The following SKAP1 variants were observed in gnomAD, a reference collection of about 807,000 sequenced individuals.
SKAP1 encodes src kinase-associated phosphoprotein 1.
Under a neutral mutation model 58.5 loss-of-function variants are expected in SKAP1, and 44 were observed. The observed-to-expected ratio is 0.75, with a 90% CI of 0.59 to 0.97. SKAP1 has a LOEUF of 0.97. SKAP1 is among the 50% of genes least tolerant of loss of function. The probability of loss-of-function intolerance (pLI) is 0.00; values close to 1 mark genes in which losing one functional copy is unlikely to be tolerated. For synonymous variants in SKAP1, 127 were observed against 149.7 expected (o/e 0.85, Z 1.11); for missense variants, 390 against 435.2 (o/e 0.90, Z 0.92).
intron 3 of SKAP1, among the ~76,000 whole-genome samples, chr17:48,359,018 G>A (rs964504001): frequency 6.6e-6 from 1 of 152,004 alleles, no homozygotes; most frequent in Admixed American, 6.5e-5. Flanking sequence ...ACTATTCTAT[G>A]TACTTTATAT....
intron 4 of SKAP1, among the ~76,000 whole-genome samples, chr17:48,250,440 G>A (rs913655420): frequency 4.6e-5 from 7 of 151,014 alleles, no homozygotes; most frequent in East Asian, 2.0e-4. Context: ...GCACCACCGC[G>A]CCCAGCTAAT....
intron 4 of SKAP1, among the ~76,000 whole-genome samples, chr17:48,262,130 T>C (rs1302027622): frequency 6.6e-6 from 1 of 152,212 alleles, no homozygotes; most frequent in Non-Finnish European, 1.5e-5. Context: ...ATGGAGGGCC[T>C]ACCTGAGGCG....
chr17:48,329,645 T>G (rs2144259590), intron 4 of SKAP1, among the ~76,000 whole-genome samples: 1 of 152,246 alleles, frequency 6.6e-6, no homozygotes, highest in South Asian at 2.1e-4. Context: ...AGGCGGAGGT[T>G]GCAGTGAGCC....
chr17:48,345,990 C>A lies in SKAP1; in HGVS notation c.195G>T (p.Gln65His), dbSNP rs376131521. ...DFQPQGGDIG[Q>H]DSSDDNHSGT... ...CGCTGTGATTATCATCAGAGCTGTC[C>A]TGTCCAATGTCTCCCCCTGAGGGAC... Residue 65 changes from glutamine to histidine, a missense_variant, in exon 4 of 13, where the codon CAG becomes CAT. Gln to His is a conservative substitution (Grantham distance 24). Transcript: ENST00000336915. 2.5e-5 allele frequency: 40 copies of A among 1,609,086 alleles called. 1 individual carries two copies. The African/African-American group carries it at 4.8e-4, about 19-fold the overall frequency.
At chr17:48,312,773 A>T (rs2066238787) in intron 4 of SKAP1, among the ~76,000 whole-genome samples, 1 of 152,180 alleles carries the variant, frequency 6.6e-6, no homozygotes, top group Non-Finnish European at 1.5e-5. Context: ...CTGTCTCCTC[A>T]TTGCCTCCAA....
intron 2 of SKAP1, among the ~76,000 whole-genome samples, chr17:48,383,978 A>G (rs1007645373): frequency 6.6e-6 from 1 of 152,016 alleles, no homozygotes; most frequent in Non-Finnish European, 1.5e-5. Context: ...TACCTGCCTC[A>G]GCCTCTCAAA....
At chr17:48,386,968 C>A (rs1047045354) in intron 2 of SKAP1, among the ~76,000 whole-genome samples, 2 of 152,132 alleles carry the variant, frequency 1.3e-5, no homozygotes, top group African/African-American at 4.8e-5. Context: ...CTGGCTGGAA[C>A]CTGAAAACTC....
chr17:48,136,292 C>G (rs1194823072), intron 12 of SKAP1, among the ~76,000 whole-genome samples: 1 of 151,830 alleles, frequency 6.6e-6, no homozygotes, highest in Non-Finnish European at 1.5e-5. Context: ...CTGCCTCAGC[C>G]TCCTGAGTAG....
At chr17:48,413,523 A>AAAAAAAAAAAAAAAAAAAATATATATAT in intron 1 of SKAP1, among the ~76,000 whole-genome samples, 1 of 105,454 alleles carries the variant, frequency 9.5e-6, no homozygotes, top group Non-Finnish European at 1.9e-5. Context: ...TCAAAAAAAA[A>AAAAAAAAAAAAAAAAAAAATATATATAT]ATATATATAT....
chr17:48,183,409 G>C (rs1264439971), intron 7 of SKAP1, among the ~76,000 whole-genome samples: 1 of 152,214 alleles, frequency 6.6e-6, no homozygotes, highest in Non-Finnish European at 1.5e-5. Flanking sequence ...AAATAGGCCA[G>C]TCAAGCATCA....
chr17:48,147,195 C>CT (rs1172933838), intron 11 of SKAP1, among the ~76,000 whole-genome samples: 1 of 152,186 alleles, frequency 6.6e-6, no homozygotes, highest in Admixed American at 6.5e-5. Flanking sequence ...AGAGAACAGT[C>CT]TATCAGCCCC....
intron 4 of SKAP1, among the ~76,000 whole-genome samples, chr17:48,199,276 C>G (rs539307728): frequency 1.3e-5 from 2 of 152,304 alleles, no homozygotes; most frequent in South Asian, 4.1e-4. Context: ...GGATGAAACT[C>G]AAACTCTCCA....
chr17:48,188,413 G>T (rs1427002218), intron 5 of SKAP1, among the ~76,000 whole-genome samples: 2 of 152,202 alleles, frequency 1.3e-5, no homozygotes, highest in Non-Finnish European at 2.9e-5. Context: ...GAAGGCAGAA[G>T]TGGTGGCTCA....
At chr17:48,174,644 A>G (rs2064264945) in intron 9 of SKAP1, among the ~76,000 whole-genome samples, 2 of 152,226 alleles carry the variant, frequency 1.3e-5, no homozygotes, top group Admixed American at 1.3e-4. Flanking sequence ...TTAAGAGACT[A>G]TTTTGAAAAA....
At chr17:48,262,362 A>G (rs1187304012) in intron 4 of SKAP1, among the ~76,000 whole-genome samples, 1 of 152,240 alleles carries the variant, frequency 6.6e-6, no homozygotes, top group Non-Finnish European at 1.5e-5. Context: ...TAAGAAAGCC[A>G]GAAAACTCCA....
intron 4 of SKAP1, among the ~76,000 whole-genome samples, chr17:48,224,964 T>C (rs1043997062): frequency 6.6e-6 from 1 of 152,178 alleles, no homozygotes; most frequent in African/African-American, 2.4e-5. Context: ...TGCTTTTACA[T>C]AGCCATATTT....
chr17:48,161,235 AG>A (rs992993604), intron 11 of SKAP1, among the ~76,000 whole-genome samples: 28 of 152,342 alleles, frequency 1.8e-4, no homozygotes, highest in African/African-American at 6.0e-4. Context: ...TAAAGATAAA[AG>A]ATACTGACAC....
chr17:48,297,019 A>G (rs1598527879), intron 4 of SKAP1, among the ~76,000 whole-genome samples: 1 of 152,156 alleles, frequency 6.6e-6, no homozygotes. Context: ...CCTAACTCAC[A>G]TATTTCTAGA....
intron 3 of SKAP1, among the ~76,000 whole-genome samples, chr17:48,347,942 C>T: frequency 6.6e-6 from 1 of 152,108 alleles, no homozygotes; most frequent in Middle Eastern, 3.2e-3. Context: ...AATTGCCAAG[C>T]AAAATTTAAC....
Sources: allele counts gnomAD v4.1 joint callset (sites outside exome capture counted in the v4.1 genomes callset), GRCh38; gene constraint gnomAD v4.1.1; transcripts MANE v1.5; gene names NCBI Gene and HGNC (gene_info 2026-07-23, HGNC 2026-07-21).